The following ATP6V0D1 variants were observed in gnomAD, a reference collection of about 807,000 sequenced individuals.
ATP6V0D1 encodes V-type proton ATPase subunit d 1.
Under a neutral mutation model 39.0 loss-of-function variants are expected in ATP6V0D1, and 13 were observed. The observed-to-expected ratio is 0.33, with a 90% CI of 0.22 to 0.53. The LOEUF (loss-of-function observed/expected upper bound fraction) is 0.53, where lower values mean the gene tolerates loss of function less well. Among genes scored for constraint, ATP6V0D1 ranks in the 20% least tolerant of loss-of-function variants. The pLI is 0.94. For missense variants in ATP6V0D1, 272 were observed against 470.9 expected, an observed-to-expected ratio of 0.58 and a Z score of 3.91; for synonymous variants, 191 against 191.2, an observed-to-expected ratio of 1.00 and a Z score of 0.01.
rs536747222 is a variant in ATP6V0D1 at position 67,442,338 on chromosome 16, C to A, written c.561+761G>T. ...GCCCTGCTTTGGGGCCTGCCCACTG[C>A]GGATCCATGTTCCTGACTGCAGCCC... On this transcript the variant is annotated intron_variant, in intron 4 of 7. Transcript: ENST00000290949. Among the ~76,000 whole-genome samples the A allele has an allele frequency of 9.2e-5, 14 of 152,346 alleles. No individual in the cohort carries two copies. In the South Asian group the frequency reaches 2.5e-3, roughly 27 times the overall value.
Position 67,477,175 on chromosome 16 carries a change from A to G in ATP6V0D1, c.130+3782T>C, listed in dbSNP as rs529787471. On this transcript the variant is annotated intron_variant, in intron 1 of 7. Coordinates refer to ENST00000290949, the MANE Select transcript of ATP6V0D1 (RefSeq NM_004691.5). ...AAGGGACAGAGGAACAAGTTCAACT[A>G]TATGTCAGAGATGGGATCAGTAAAA... Among the ~76,000 whole-genome samples the G allele has an allele frequency of 1.8e-4, 27 of 152,140 alleles. No individual in the cohort carries two copies. In the South Asian group the frequency reaches 5.6e-3, roughly 32 times the overall value.
intron 1 of ATP6V0D1, among the ~76,000 whole-genome samples, chr16:67,473,744 T>C (rs8055254): frequency 0.98 from 148,959 of 152,146 alleles, 72,936 homozygotes; most frequent in Middle Eastern, 1. Flanking sequence ...AGGATGGTCT[T>C]GATCTCCTGA....
At chr16:67,463,984 G>T (rs1483397054) in intron 1 of ATP6V0D1, among the ~76,000 whole-genome samples, 3 of 152,246 alleles carry the variant, frequency 2.0e-5, no homozygotes, top group Non-Finnish European at 4.4e-5. Context: ...ATACCGAAGG[G>T]TGACATTCCA....
chr16:67,439,525 G>A (rs1009028113), intron 4 of ATP6V0D1, 174 bp from the exon 5 acceptor site: 1 of 635,736 alleles, frequency 1.6e-6, no homozygotes, highest in South Asian at 1.9e-5. Flanking sequence ...ACACTTCTGT[G>A]AATCAGCCAA....
chr16:67,463,899 C>G (rs1291802293), intron 1 of ATP6V0D1, among the ~76,000 whole-genome samples: 1 of 152,220 alleles, frequency 6.6e-6, no homozygotes, highest in Non-Finnish European at 1.5e-5. Context: ...TGGTCACCTG[C>G]TTGACCACAC....
chr16:67,461,698 T>C (rs959173732), intron 1 of ATP6V0D1, among the ~76,000 whole-genome samples: 2 of 152,216 alleles, frequency 1.3e-5, no homozygotes, highest in African/African-American at 2.4e-5. Context: ...CTAGAGGTTT[T>C]TCAGTGAGGT....
chr16:67,474,190 G>A (rs931111672), intron 1 of ATP6V0D1, among the ~76,000 whole-genome samples: 2 of 152,202 alleles, frequency 1.3e-5, no homozygotes, highest in East Asian at 1.9e-4. Context: ...AGTGACAGCA[G>A]GGAATGACCA....
chr16:67,438,237 G>A lies in ATP6V0D1; in HGVS notation c.*291C>T, dbSNP rs568286541. The A allele has an allele frequency of 2.8e-5, 12 of 424,824 alleles. No individual in the cohort carries two copies. The highest frequency in any genetic ancestry group is 8.2e-5 in the Admixed American group (2 of 24,522). The allele number at this position is 424,824 out of a possible 1,614,324, so 26.3% of individuals were successfully genotyped here. On this transcript the variant is annotated 3_prime_UTR_variant, in exon 8 of 8. Coordinates refer to ENST00000290949, the MANE Select transcript of ATP6V0D1 (RefSeq NM_004691.5). ...TTAGGGAGGAACATGAAAGTGACATGCTTCTTAGATACATCAGCGGCTGTA... is the reference window on the plus strand; with the variant it reads ...TTAGGGAGGAACATGAAAGTGACATACTTCTTAGATACATCAGCGGCTGTA...
chr16:67,450,564 G>A (rs976653446), intron 2 of ATP6V0D1, among the ~76,000 whole-genome samples: 6 of 152,156 alleles, frequency 3.9e-5, no homozygotes, highest in African/African-American at 1.4e-4. Context: ...ACACCGCAGA[G>A]TGGTCACGCC....
intron 1 of ATP6V0D1, among the ~76,000 whole-genome samples, chr16:67,468,976 G>GTTACTGTGGCTTACT: frequency 6.6e-6 from 1 of 152,286 alleles, no homozygotes; most frequent in African/African-American, 2.4e-5. Flanking sequence ...GCTCCTGTGG[G>GTTACTGTGGCTTACT]GACTCTTACT....
Position 67,444,010 on chromosome 16 carries a change from G to T in ATP6V0D1, c.481+518C>A, listed in dbSNP as rs1218949425. The stretch of plus-strand genomic sequence containing the variant: ...CTGCCTAAGCAGGGCTCTGCAGGAA[G>T]CTCTTGATTCCCCTTCCCTGGCTTC... On this transcript the variant is annotated intron_variant, in intron 3 of 7. Transcript: ENST00000290949. This position sits in a 1 kb window ranked among gnomAD's most constrained non-coding sequence, Gnocchi z 4.8. Among the ~76,000 whole-genome samples the T allele has an allele frequency of 1.3e-5, 2 of 152,236 alleles. No homozygotes were observed. Among genetic ancestry groups the T allele is most frequent in the African/African-American group, 4.8e-5 (2 of 41,466 alleles).
In ATP6V0D1 at chr16:67,438,563, G is replaced by A. The variant is rs753620716; in HGVS notation, c.1021C>T (p.Arg341Cys). ...WIAECIAQRH[R>C]AKIDNYIPIF is the part of the protein sequence containing the mutation. ...GGGATGTAGTTGTCGATTTTGGCGC[G>A]GTGGCGCTGGGCGATACATTCAGCG... is the stretch of plus-strand genomic sequence containing the variant. The change falls in exon 8 of 8, where the codon CGC (arginine) becomes TGC (cysteine). Residue 341 changes from arginine (R) to cysteine (C), a missense_variant. This residue lies in a region of ATP6V0D1 where 35 missense variants were observed against 84.6 expected (regional missense o/e 0.41). Coordinates refer to ENST00000290949, the MANE Select transcript of ATP6V0D1 (RefSeq NM_004691.5). The A allele has an allele frequency of 3.1e-6, 5 of 1,614,000 alleles. No homozygotes were observed. Among genetic ancestry groups the A allele is most frequent in the Admixed American group, 3.3e-5 (2 of 60,002 alleles).
Position 67,439,178 on chromosome 16 carries a change from G to C in ATP6V0D1, c.640-31C>G, listed in dbSNP as rs764759139. On this transcript the variant is annotated intron_variant, in intron 5 of 7. Coordinates refer to ENST00000290949, the MANE Select transcript of ATP6V0D1 (RefSeq NM_004691.5). Reference sequence around the variant, plus strand: ...GAGCCAGTGCACAGGTAAGAAGAGAGGGAGGAAGAAGGAGGCAGTAGCCAG... The same window carrying C: ...GAGCCAGTGCACAGGTAAGAAGAGACGGAGGAAGAAGGAGGCAGTAGCCAG... The C allele has an allele frequency of 1.9e-6, 3 of 1,613,646 alleles. No individual in the cohort carries two copies. In the South Asian group the frequency reaches 3.3e-5, roughly 18 times the overall value.
Position 67,456,145 on chromosome 16 carries a change from T to A in ATP6V0D1, c.131-2430A>T, listed in dbSNP as rs2041235356. 6.6e-6 allele frequency: 1 copy of A among 151,968 alleles called. No homozygotes were observed. Among genetic ancestry groups the A allele is most frequent in the Admixed American group, 6.6e-5 (1 of 15,236 alleles). 9.4% of individuals were successfully genotyped at this position (151,968 alleles called of 1,614,324 possible). On this transcript the variant is annotated intron_variant, in intron 1 of 7. Transcript: ENST00000290949. The surrounding 1 kb of genome is among the most constrained non-coding windows in gnomAD (Gnocchi z 4.1). ...CCGAGTAGCTGGGACTAAAGGTGCA[T>A]GCCACCATGCCTGGCTAATTTTTTT... is the stretch of plus-strand genomic sequence containing the variant.
At chr16:67,452,781 G>A (rs1197472367) in intron 2 of ATP6V0D1, among the ~76,000 whole-genome samples, 1 of 152,018 alleles carries the variant, frequency 6.6e-6, no homozygotes, top group Non-Finnish European at 1.5e-5. Context: ...CAGTCCAGGT[G>A]CCCTCCCCGT....
intron 1 of ATP6V0D1, among the ~76,000 whole-genome samples, chr16:67,473,186 C>G (rs532585396): frequency 6.6e-6 from 1 of 152,288 alleles, no homozygotes; most frequent in South Asian, 2.1e-4. Flanking sequence ...TCTCCCTATG[C>G]TCTTCCCACC....
intron 2 of ATP6V0D1, among the ~76,000 whole-genome samples, chr16:67,450,079 T>C (rs1283342316): frequency 6.6e-6 from 1 of 152,218 alleles, no homozygotes; most frequent in East Asian, 1.9e-4. Flanking sequence ...GTCAGGGCAC[T>C]GTTCCCTCAG....
intron 1 of ATP6V0D1, 66 bp downstream of exon 1, chr16:67,480,891 G>A (rs2041467863): frequency 6.3e-7 from 1 of 1,582,960 alleles, no homozygotes. Flanking sequence ...CGGCTTCCCG[G>A]CCTACACCTC....
intron 2 of ATP6V0D1, among the ~76,000 whole-genome samples, chr16:67,451,367 C>T (rs2041178333): frequency 1.3e-5 from 2 of 152,084 alleles, no homozygotes; most frequent in South Asian, 2.1e-4. Flanking sequence ...GAAATGAAGA[C>T]AGAAGGGGTA....
Sources: allele counts gnomAD v4.1 joint callset (sites outside exome capture counted in the v4.1 genomes callset), GRCh38; gene constraint gnomAD v4.1.1; regional missense constraint gnomAD v4.1.1; non-coding constraint Gnocchi (gnomAD v3.1); transcripts MANE v1.5; gene names NCBI Gene and HGNC (gene_info 2026-07-23, HGNC 2026-07-21).